ARHGAP10: variants seen among roughly 807,000 people sequenced by gnomAD.
ARHGAP10 encodes rho GTPase-activating protein 10.
In ARHGAP10, 87 loss-of-function variants were observed where a neutral mutation model predicts 108.6. That is an observed-to-expected ratio of 0.80 (90% CI 0.67 to 0.96). The LOEUF (loss-of-function observed/expected upper bound fraction) is 0.96, where lower values mean the gene tolerates loss of function less well. Among genes scored for constraint, ARHGAP10 ranks in the 40% least tolerant of loss-of-function variants. ARHGAP10 has a pLI of 0.00. For missense variants in ARHGAP10, 939 were observed against 954.5 expected (o/e 0.98, Z 0.21); for synonymous variants, 347 against 341.1 (o/e 1.02, Z -0.19).
At chr4:147,744,055 A>G (rs6535556) in intron 1 of ARHGAP10, among the ~76,000 whole-genome samples, 41,878 of 152,150 alleles carry the variant, frequency 0.28, 10,698 homozygotes, top group African/African-American at 0.68. Flanking sequence ...CGTGTATATT[A>G]GTGCAGAAGA....
Position 148,072,191 on chromosome 4 carries a change from C to G in ARHGAP10, c.*110C>G. 2.6e-6 allele frequency: 2 copies of G among 764,968 alleles called. No homozygotes were observed. The highest frequency in any genetic ancestry group is 3.1e-5 in the Admixed American group (1 of 32,360). 47.4% of individuals were successfully genotyped at this position (764,968 alleles called of 1,614,324 possible). A position where few individuals can be genotyped will look rare whatever the true frequency, so the allele number is the denominator to read the frequency against. On this transcript the variant is annotated 3_prime_UTR_variant, in exon 23 of 23. Transcript: ENST00000336498. ...GGCTGCACCCACAGGTACCTCCACA[C>G]TTGGGAGTTACCATCATCACAGTCA...
intron 19 of ARHGAP10, among the ~76,000 whole-genome samples, chr4:148,035,620 C>G (rs573525958): frequency 6.6e-6 from 1 of 152,242 alleles, no homozygotes; most frequent in South Asian, 2.1e-4. Flanking sequence ...GTCGTTCTGC[C>G]CCTTACCCTG....
At chr4:147,973,462 C>T (rs147305932) in intron 18 of ARHGAP10, among the ~76,000 whole-genome samples, 3 of 152,186 alleles carry the variant, frequency 2.0e-5, no homozygotes, top group African/African-American at 7.2e-5. Flanking sequence ...TAGAGGCATG[C>T]CATGGGTAAT....
At chr4:147,800,145 G>A (rs533526500) in intron 1 of ARHGAP10, among the ~76,000 whole-genome samples, 1 of 152,296 alleles carries the variant, frequency 6.6e-6, no homozygotes, top group East Asian at 1.9e-4. Flanking sequence ...AGGCAGAAGG[G>A]ATTTCCCTAG....
Position 147,857,581 on chromosome 4 carries a change from C to G in ARHGAP10, c.413C>G (p.Thr138Arg). Reference protein sequence around the residue: ...KEEKKKFDKETEKNYSLIDKH... With the variant: ...KEEKKKFDKEREKNYSLIDKH... ...GAAAAAAAGAAGTTTGACAAAGAGA[C>G]AGAAAAGAATTATAGTCTAATTGAT... is the stretch of plus-strand genomic sequence containing the variant. Residue 138 changes from threonine (T) to arginine (R), a missense_variant, in exon 5 of 23, where the codon ACA (threonine) becomes AGA (arginine). By Grantham distance (71) the Thr-to-Arg change is moderately conservative. Coordinates refer to ENST00000336498, the MANE Select transcript of ARHGAP10 (RefSeq NM_024605.4). 6.8e-7 allele frequency: 1 copy of G among 1,475,182 alleles called. No homozygotes were observed. Among genetic ancestry groups the G allele is most frequent in the Admixed American group, 2.7e-5 (1 of 36,848 alleles). The allele number at this position is 1,475,182 out of a possible 1,614,324, so 91.4% of individuals were successfully genotyped here.
rs182086355 is a variant in ARHGAP10, at chr4:148,008,371, A to G, written c.1717-14892A>G. 2.4e-3 allele frequency among the ~76,000 whole-genome samples: 367 copies of G among 152,114 alleles called. 1 individual carries two copies. The highest frequency in any genetic ancestry group is 8.1e-3 in the African/African-American group (336 of 41,504). On this transcript the variant is annotated intron_variant, in intron 18 of 22. Coordinates refer to ENST00000336498, the MANE Select transcript of ARHGAP10 (RefSeq NM_024605.4). The stretch of plus-strand genomic sequence containing the variant: ...TAGAGCTCTGACACATGCTATTAGA[A>G]ACATTTTTGTAGTTTTAAAGTGGTG...
rs146071495 is a variant in ARHGAP10, at chr4:148,022,542, C to T, written c.1717-721C>T. 8.2e-4 allele frequency among the ~76,000 whole-genome samples: 125 copies of T among 152,298 alleles called. 1 individual carries two copies. In the East Asian group the frequency reaches 0.024, roughly 29 times the overall value. On this transcript the variant is annotated intron_variant, in intron 18 of 22. Coordinates refer to ENST00000336498, the MANE Select transcript of ARHGAP10 (RefSeq NM_024605.4). ...TTATCAGTCACCTCTGTGTGATATGCTTTCTTTGTGGCACAAATTGCTTTT... is the reference window on the plus strand; with the variant it reads ...TTATCAGTCACCTCTGTGTGATATGTTTTCTTTGTGGCACAAATTGCTTTT...
chr4:147,917,265 G>A (rs1005531085), intron 13 of ARHGAP10: 1 of 152,196 alleles, frequency 6.6e-6, no homozygotes, highest in African/African-American at 2.4e-5. Flanking sequence ...TCCCCCATCA[G>A]GTTCCTTGAA....
At chr4:147,886,965 C>G (rs1735594030) in intron 10 of ARHGAP10, among the ~76,000 whole-genome samples, 1 of 151,882 alleles carries the variant, frequency 6.6e-6, no homozygotes, top group African/African-American at 2.4e-5. Context: ...GACGGAGTTT[C>G]AGTTTCACCT....
intron 7 of ARHGAP10, among the ~76,000 whole-genome samples, chr4:147,874,073 CTACATT>C (rs1156684160): frequency 2.6e-5 from 4 of 151,716 alleles, no homozygotes; most frequent in Admixed American, 2.6e-4. Flanking sequence ...CTTTTACAAT[CTACATT>C]TATCAGACTC....
intron 18 of ARHGAP10, among the ~76,000 whole-genome samples, chr4:148,003,606 T>C (rs1578780407): frequency 6.6e-6 from 1 of 152,342 alleles, no homozygotes; most frequent in East Asian, 1.9e-4. Context: ...CTGTATTGGG[T>C]GCATATATGT....
At chr4:147,886,511 G>A (rs780007022) in intron 10 of ARHGAP10, among the ~76,000 whole-genome samples, 8 of 152,164 alleles carry the variant, frequency 5.3e-5, no homozygotes, top group African/African-American at 1.4e-4. Flanking sequence ...TCTGTTGTTC[G>A]TCGTGCACTC....
chr4:148,035,844 G>C (rs529084487), intron 19 of ARHGAP10, among the ~76,000 whole-genome samples: 2 of 152,210 alleles, frequency 1.3e-5, no homozygotes, highest in African/African-American at 4.8e-5. Flanking sequence ...AAGATTTTCT[G>C]ATCAAAGAAT....
Position 147,954,514 on chromosome 4 carries a change from A to AT in ARHGAP10, c.1392-792dup, listed in dbSNP as rs200933961. 3.2e-3 allele frequency among the ~76,000 whole-genome samples: 475 copies of AT among 149,990 alleles called. 7 individuals are homozygous for AT. The highest frequency in any genetic ancestry group is 0.019 in the East Asian group (95 of 5,134). On this transcript the variant is annotated intron_variant, in intron 15 of 22. Coordinates refer to ENST00000336498, the MANE Select transcript of ARHGAP10 (RefSeq NM_024605.4). ...AAAAAATTTTGTTTGTGCATCTTTG[A>AT]TTTTTTTTTTAAACATTTGAAGCAG...
At chr4:147,856,206 A>G (rs1734075901) in intron 4 of ARHGAP10, among the ~76,000 whole-genome samples, 1 of 152,166 alleles carries the variant, frequency 6.6e-6, no homozygotes, top group Non-Finnish European at 1.5e-5. Context: ...GTGTATACTT[A>G]TTTTCTCAAA....
intron 17 of ARHGAP10, among the ~76,000 whole-genome samples, chr4:147,966,218 G>A (rs1279057523): frequency 3.3e-5 from 5 of 152,076 alleles, no homozygotes; most frequent in African/African-American, 1.2e-4. Flanking sequence ...GGCTTTTGGG[G>A]GAAGCAAGAT....
At chr4:147,828,014 C>T (rs1382012149) in intron 3 of ARHGAP10, among the ~76,000 whole-genome samples, 1 of 152,126 alleles carries the variant, frequency 6.6e-6, no homozygotes, top group Non-Finnish European at 1.5e-5. Flanking sequence ...CCATGTTGGC[C>T]AGATGATCTC....
chr4:147,982,353 TTTTC>T (rs932819274), intron 18 of ARHGAP10, among the ~76,000 whole-genome samples: 1 of 145,628 alleles, frequency 6.9e-6, no homozygotes, highest in Non-Finnish European at 1.5e-5. Flanking sequence ...CCTGGGTTTC[TTTTC>T]TTTCTTTCTT....
At chr4:147,759,379 A>G (rs750851109) in intron 1 of ARHGAP10, among the ~76,000 whole-genome samples, 7 of 152,214 alleles carry the variant, frequency 4.6e-5, no homozygotes, top group Non-Finnish European at 8.8e-5. Context: ...CAAGGCACAT[A>G]TATAATTTAA....
Sources: gnomAD v4.1 joint callset for allele counts (sites outside exome capture counted in the v4.1 genomes callset) on GRCh38, gnomAD v4.1.1 for gene constraint, MANE v1.5 for transcripts, NCBI Gene and HGNC (gene_info 2026-07-23, HGNC 2026-07-21) for gene names.